C4orf50: variants seen among roughly 807,000 people sequenced by gnomAD.
The protein encoded by C4orf50 is uncharacterized protein C4orf50.
C4orf50 carries 80 observed loss-of-function variants against 77.2 expected under a neutral mutation model. The observed-to-expected ratio is 1.04, with a 90% confidence interval of 0.87 to 1.25. The LOEUF (loss-of-function observed/expected upper bound fraction) is 1.25, where lower values mean the gene tolerates loss of function less well. C4orf50 is among the 50% of genes most tolerant of loss of function. C4orf50 has a pLI of 0.00. For synonymous variants in C4orf50, 532 were observed against 465.3 expected (o/e 1.14, Z -1.84); for missense variants, 1,257 against 1,152.9 (o/e 1.09, Z -1.31).
At chr4:5,950,114 T>C (rs1449304379) in intron 7 of C4orf50, among the ~76,000 whole-genome samples, 1 of 152,244 alleles carries the variant, frequency 6.6e-6, no homozygotes, top group Non-Finnish European at 1.5e-5. Context: ...CAATTATTTT[T>C]GCACCAACCT....
intron 28 of C4orf50, among the ~76,000 whole-genome samples, chr4:5,986,894 G>A (rs1720893720): frequency 6.6e-6 from 1 of 152,006 alleles, no homozygotes; most frequent in Non-Finnish European, 1.5e-5. Context: ...TAAATTTCCT[G>A]GCACATAGTA....
rs1385970363 is a variant in C4orf50 at position 5,950,498 on chromosome 4, G to T, written c.*2474+6403C>A. Among the ~76,000 whole-genome samples, 3 of 152,116 alleles carry T rather than the reference G, an allele frequency of 2.0e-5. 1 individual carries two copies. The highest frequency in any genetic ancestry group is 4.4e-5 in the Non-Finnish European group (3 of 68,024). On this transcript the variant is annotated intron_variant, in intron 7 of 7. Transcript: ENST00000324058. ...ATTCTCTGTACTTTTGTCAAGGTTC[G>T]AAATTTTTCAAAACAAAATATTTTC...
At chr4:6,004,447 T>C (rs1445418654) in intron 25 of C4orf50, among the ~76,000 whole-genome samples, 7 of 37,670 alleles carry the variant, frequency 1.9e-4, no homozygotes, top group Non-Finnish European at 2.5e-4. Flanking sequence ...GATGTGATGG[T>C]AATGGTGATG....
At chr4:5,993,962 A>G (rs1210793826) in intron 26 of C4orf50, among the ~76,000 whole-genome samples, 1 of 152,048 alleles carries the variant, frequency 6.6e-6, no homozygotes, top group Non-Finnish European at 1.5e-5. Flanking sequence ...ACTGCCTCAC[A>G]CTGGAGGTGT....
chr4:5,995,191 C>A (rs1229766502), intron 25 of C4orf50, among the ~76,000 whole-genome samples: 4 of 152,098 alleles, frequency 2.6e-5, no homozygotes, highest in Non-Finnish European at 5.9e-5. Flanking sequence ...CAGTGAGTCA[C>A]CCCGAACACA....
chr4:5,959,792 G>A (rs768802177), intron 33 of C4orf50, among the ~76,000 whole-genome samples, 166 bp from the exon 12 acceptor site: 1 of 152,232 alleles, frequency 6.6e-6, no homozygotes, highest in Non-Finnish European at 1.5e-5. Context: ...CACTTCCTTT[G>A]GTGACAGTTC....
intron 25 of C4orf50, among the ~76,000 whole-genome samples, chr4:6,004,148 G>GAT (rs1722056747): frequency 2.2e-5 from 1 of 45,588 alleles, no homozygotes; most frequent in African/African-American, 8.2e-5. Flanking sequence ...TGGTGATGAT[G>GAT]GTGATGGTGA....
chr4:5,920,988 C>A (rs1429917128), intron 7 of C4orf50, among the ~76,000 whole-genome samples: 2 of 152,132 alleles, frequency 1.3e-5, no homozygotes, highest in Non-Finnish European at 2.9e-5. Context: ...TGGACAGTCA[C>A]CCTCATGCTG....
At position 5,908,575 on chromosome 4, in the gene C4orf50, G is replaced by A. The variant is rs114234184; in HGVS notation, c.*2475-10387C>T. On this transcript the variant is annotated intron_variant, in intron 7 of 7. Transcript: ENST00000324058. This position sits in a 1 kb window ranked among gnomAD's most constrained non-coding sequence, Gnocchi z 5.6. The stretch of plus-strand genomic sequence containing the variant: ...AGGGAGACGACCATGCGATGGGGAG[G>A]GGGGAAAGCCCTGGGGTATCAGAAA... 1.6e-4 allele frequency among the ~76,000 whole-genome samples: 25 copies of A among 152,140 alleles called. No homozygotes were observed. The highest frequency in any genetic ancestry group is 4.1e-4 in the African/African-American group (17 of 41,514).
chr4:5,951,497 G>T (rs903058804), intron 7 of C4orf50, among the ~76,000 whole-genome samples: 1 of 152,080 alleles, frequency 6.6e-6, no homozygotes, highest in South Asian at 2.1e-4. Context: ...TGATTACCCT[G>T]CAAACCAACA....
intron 33 of C4orf50, among the ~76,000 whole-genome samples, chr4:5,959,917 C>T (rs941513605): frequency 1.3e-5 from 2 of 152,108 alleles, no homozygotes; most frequent in African/African-American, 2.4e-5. Context: ...CATGAGCGGG[C>T]GTTCCTGTAG....
At chr4:5,982,575 G>T (rs1421420086) in intron 28 of C4orf50, among the ~76,000 whole-genome samples, 6 of 152,188 alleles carry the variant, frequency 3.9e-5, no homozygotes, top group African/African-American at 9.7e-5. Context: ...TCCAGTTGGG[G>T]GGTGGCAACT....
At chr4:6,004,635 T>C in intron 25 of C4orf50, among the ~76,000 whole-genome samples, 1 of 106,060 alleles carries the variant, frequency 9.4e-6, no homozygotes, top group African/African-American at 3.2e-5. Flanking sequence ...ATGGTGACTG[T>C]GATGGTGATG....
chr4:5,968,773 T>C (rs1719726757), intron 31 of C4orf50, among the ~76,000 whole-genome samples: 1 of 152,194 alleles, frequency 6.6e-6, no homozygotes, highest in Non-Finnish European at 1.5e-5. Context: ...AGGTGTCTCC[T>C]CATTAGACAG....
chr4:5,973,659 C>G lies in C4orf50; in HGVS notation c.4104G>C (p.Glu1368Asp). ...GACAGGGCCATCTCTGGGACTCTAC[C>G]TCTGGGACTCCCGGAGCCAGGAAGG... The change falls in exon 31 of 34, where the codon GAG (glutamate) becomes GAC (aspartate). Residue 1368 changes from glutamate (E) to aspartate (D), a missense_variant and splice_region_variant. Glu to Asp is a conservative substitution (Grantham distance 45). Transcript: ENST00000531445. 2.5e-6 allele frequency: 4 copies of G among 1,610,392 alleles called. No individual in the cohort carries two copies. In the South Asian group the frequency reaches 4.4e-5, roughly 18 times the overall value.
intron 7 of C4orf50, among the ~76,000 whole-genome samples, chr4:5,914,725 C>T (rs1716959758): frequency 6.6e-6 from 1 of 152,296 alleles, no homozygotes; most frequent in African/African-American, 2.4e-5. Context: ...GTATAATGTC[C>T]TATTCTATAG....
At chr4:5,942,284 AG>A (rs1718299785) in intron 7 of C4orf50, among the ~76,000 whole-genome samples, 1 of 152,232 alleles carries the variant, frequency 6.6e-6, no homozygotes, top group South Asian at 2.1e-4. Flanking sequence ...GATCAGGAGC[AG>A]GGTGGTCTGG....
intron 24 of C4orf50, among the ~76,000 whole-genome samples, chr4:6,010,103 G>A (rs1428577274): frequency 6.6e-6 from 1 of 152,118 alleles, no homozygotes; most frequent in Non-Finnish European, 1.5e-5. Flanking sequence ...TTACAGGGCT[G>A]GGTCCAATTC....
At chr4:6,010,727 G>C (rs909219601) in intron 24 of C4orf50, among the ~76,000 whole-genome samples, 1 of 152,230 alleles carries the variant, frequency 6.6e-6, no homozygotes, top group Non-Finnish European at 1.5e-5. Context: ...CAGTTGGGTG[G>C]TGCATGCAGC....
Sources: gnomAD v4.1 joint callset for allele counts (sites outside exome capture counted in the v4.1 genomes callset) on GRCh38, gnomAD v4.1.1 for gene constraint, Gnocchi (gnomAD v3.1) non-coding constraint, MANE v1.5 for transcripts, NCBI Gene and HGNC (gene_info 2026-07-23, HGNC 2026-07-21) for gene names.